The following ADAMTS17 variants were observed in gnomAD, a reference collection of about 807,000 sequenced individuals.
ADAMTS17 encodes A disintegrin and metalloproteinase with thrombospondin motifs 17.
ADAMTS17 carries 113 observed loss-of-function variants against 141.5 expected under a neutral mutation model. The observed-to-expected ratio is 0.80, with a 90% CI of 0.69 to 0.93. The LOEUF is 0.93. ADAMTS17 is among the 40% of genes least tolerant of loss of function. The probability of loss-of-function intolerance (pLI) is 0.00; values close to 1 mark genes in which losing one functional copy is unlikely to be tolerated. For missense variants in ADAMTS17, 1,659 were observed against 1,517.9 expected (o/e 1.09, Z -1.54); for synonymous variants, 768 against 630.6 (o/e 1.22, Z -3.27).
intron 3 of ADAMTS17, among the ~76,000 whole-genome samples, chr15:100,282,043 T>C (rs1173388026): frequency 6.6e-6 from 1 of 152,252 alleles, no homozygotes; most frequent in East Asian, 1.9e-4. Flanking sequence ...ATTGATTCTC[T>C]AGATAACCTA....
intron 12 of ADAMTS17, among the ~76,000 whole-genome samples, chr15:100,121,039 GAT>G (rs1471839206): frequency 6.6e-6 from 1 of 152,116 alleles, no homozygotes; most frequent in Non-Finnish European, 1.5e-5. Context: ...AGAAAACAAA[GAT>G]AAATTTTGGA....
chr15:99,980,772 T>C lies in ADAMTS17; in HGVS notation c.2950-4550A>G, dbSNP rs942150880. Reference sequence around the variant, plus strand: ...GCGTCTATTAAAACCAAGTGCAGCATTGGCAAGGTTTCTGCCTGGAAATGA... The same window carrying C: ...GCGTCTATTAAAACCAAGTGCAGCACTGGCAAGGTTTCTGCCTGGAAATGA... On this transcript the variant is annotated intron_variant, in intron 20 of 21. Transcript: ENST00000268070. 5 of 152,288 alleles carry C rather than the reference T, an allele frequency of 3.3e-5. No individual in the cohort carries two copies. The East Asian group carries it at 5.8e-4, about 18-fold the overall frequency. The allele number at this position is 152,288 out of a possible 1,614,324, so 9.4% of individuals were successfully genotyped here. A position where few individuals can be genotyped will look rare whatever the true frequency, so the allele number is the denominator to read the frequency against.
chr15:100,207,226 CA>C (rs1287987880), intron 7 of ADAMTS17, among the ~76,000 whole-genome samples: 1 of 152,154 alleles, frequency 6.6e-6, no homozygotes, highest in African/African-American at 2.4e-5. Context: ...TCCCTCTCTC[CA>C]AGTGAGCACA....
intron 8 of ADAMTS17, among the ~76,000 whole-genome samples, chr15:100,163,606 T>C (rs529946104): frequency 7.7e-4 from 117 of 152,294 alleles, no homozygotes; most frequent in African/African-American, 2.7e-3. Context: ...CTGTCTCAGC[T>C]TCCCAAGTAG....
intron 15 of ADAMTS17, among the ~76,000 whole-genome samples, chr15:100,077,111 A>C (rs906998625): frequency 6.6e-6 from 1 of 151,876 alleles, no homozygotes; most frequent in Non-Finnish European, 1.5e-5. Flanking sequence ...CATTATGATC[A>C]AATATGATTT....
At chr15:100,212,078 G>A (rs1282900958) in intron 7 of ADAMTS17, among the ~76,000 whole-genome samples, 2 of 152,142 alleles carry the variant, frequency 1.3e-5, no homozygotes, top group African/African-American at 4.8e-5. Context: ...TTATGTGTAT[G>A]CACACATATG....
chr15:100,059,185 G>A (rs1428972906), intron 15 of ADAMTS17, among the ~76,000 whole-genome samples: 2 of 152,220 alleles, frequency 1.3e-5, no homozygotes, highest in Non-Finnish European at 1.5e-5. Flanking sequence ...GAGAACTCCT[G>A]CACAATCACA....
chr15:100,035,406 T>C (rs1361721328), intron 18 of ADAMTS17, among the ~76,000 whole-genome samples: 1 of 152,234 alleles, frequency 6.6e-6, no homozygotes, highest in African/African-American at 2.4e-5. Flanking sequence ...AGGAAAGACT[T>C]ACCCTGTCTG....
intron 6 of ADAMTS17, 101 bp downstream of exon 6, chr15:100,261,378 T>G: frequency 1.3e-6 from 2 of 1,551,590 alleles, no homozygotes; most frequent in Non-Finnish European, 1.8e-6. Flanking sequence ...GCCCAAGGTC[T>G]GATTTCCAAG....
At chr15:100,332,445 C>T (rs1019062709) in intron 2 of ADAMTS17, among the ~76,000 whole-genome samples, 5 of 152,240 alleles carry the variant, frequency 3.3e-5, no homozygotes, top group African/African-American at 1.2e-4. Context: ...GGAGGACCCC[C>T]CACCTGCTCC....
chr15:100,156,489 G>A (rs972405810), intron 8 of ADAMTS17, among the ~76,000 whole-genome samples: 3 of 152,178 alleles, frequency 2.0e-5, no homozygotes, highest in Non-Finnish European at 4.4e-5. Context: ...TTGGGCTAGC[G>A]GGGCCCTCTC....
At chr15:100,210,272 A>C (rs901057110) in intron 7 of ADAMTS17, among the ~76,000 whole-genome samples, 1 of 150,154 alleles carries the variant, frequency 6.7e-6, no homozygotes, top group African/African-American at 2.5e-5. Flanking sequence ...AGTGAGCTGG[A>C]ACAGGGAGGG....
chr15:100,195,346 C>A (rs559586718), intron 8 of ADAMTS17, among the ~76,000 whole-genome samples: 2 of 152,148 alleles, frequency 1.3e-5, no homozygotes, highest in Non-Finnish European at 2.9e-5. Context: ...AGCTGTTAAT[C>A]GAATGAATCC....
At chr15:99,977,392 ATATATATAATTTTTT>A (rs2060380060) in intron 20 of ADAMTS17, among the ~76,000 whole-genome samples, 1 of 6,562 alleles carries the variant, frequency 1.5e-4, no homozygotes, top group African/African-American at 5.3e-4. Context: ...ATATATATAT[ATATATATAATTTTTT>A]TTTTTTTTTT....
At chr15:100,162,838 CTATA>C (rs201563880) in intron 8 of ADAMTS17, among the ~76,000 whole-genome samples, 65 of 137,552 alleles carry the variant, frequency 4.7e-4, no homozygotes, top group South Asian at 2.5e-3. Flanking sequence ...ATGTGTATAA[CTATA>C]TATAGTTATA....
At chr15:100,059,858 A>G (rs895720236) in intron 15 of ADAMTS17, among the ~76,000 whole-genome samples, 3 of 152,120 alleles carry the variant, frequency 2.0e-5, no homozygotes, top group Admixed American at 2.0e-4. Flanking sequence ...CCCTATGCAT[A>G]ATGTATTTTT....
chr15:100,106,735 C>T (rs905037036), intron 14 of ADAMTS17, among the ~76,000 whole-genome samples: 11 of 152,184 alleles, frequency 7.2e-5, no homozygotes, highest in Non-Finnish European at 1.2e-4. Flanking sequence ...AACGTTAAGT[C>T]GTTGGGCAGG....
intron 7 of ADAMTS17, among the ~76,000 whole-genome samples, chr15:100,204,554 A>C (rs890973321): frequency 6.6e-6 from 1 of 152,274 alleles, no homozygotes; most frequent in Non-Finnish European, 1.5e-5. Flanking sequence ...CTTAGAGGCT[A>C]GGATGTGACA....
At chr15:100,020,662 G>C (rs1352769602) in intron 18 of ADAMTS17, among the ~76,000 whole-genome samples, 1 of 152,156 alleles carries the variant, frequency 6.6e-6, no homozygotes, top group Non-Finnish European at 1.5e-5. Flanking sequence ...CAGTGACCCT[G>C]GTAGTTATGG....
Sources: allele counts gnomAD v4.1 joint callset (sites outside exome capture counted in the v4.1 genomes callset), GRCh38; gene constraint gnomAD v4.1.1; transcripts MANE v1.5; gene names NCBI Gene and HGNC (gene_info 2026-07-23, HGNC 2026-07-21).